NID2: variants seen among roughly 807,000 people sequenced by gnomAD.
NID2 encodes nidogen-2.
Under a neutral mutation model 145.4 loss-of-function variants are expected in NID2, and 83 were observed. The observed-to-expected ratio is 0.57, with a 90% CI of 0.48 to 0.69. NID2 has a LOEUF of 0.69. Among genes scored for constraint, NID2 ranks in the 30% least tolerant of loss-of-function variants. The pLI is 0.00. For synonymous variants in NID2, 739 were observed against 701.3 expected, an observed-to-expected ratio of 1.05 and a Z score of -0.85; for missense variants, 1,807 against 1,765.7, an observed-to-expected ratio of 1.02 and a Z score of -0.42.
At chr14:52,035,354 T>G (rs373682012) in intron 9 of NID2, among the ~76,000 whole-genome samples, 36 of 152,348 alleles carry the variant, frequency 2.4e-4, no homozygotes, top group African/African-American at 8.2e-4. Flanking sequence ...AATGTCATGG[T>G]TAGAATGATT....
chr14:52,066,727 C>G (rs1380252219), intron 2 of NID2, among the ~76,000 whole-genome samples: 1 of 152,214 alleles, frequency 6.6e-6, no homozygotes, highest in African/African-American at 2.4e-5. Flanking sequence ...AGTGAAGAAG[C>G]ATTTCCGTAA....
intron 21 of NID2, 62 bp from the exon 22 acceptor site, chr14:52,005,558 A>G (rs973330059): frequency 1.0e-5 from 16 of 1,561,262 alleles, no homozygotes; most frequent in Non-Finnish European, 1.3e-5. Context: ...CCAAGTTGCA[A>G]CAGCAAGTCT....
At position 52,027,318 on chromosome 14, in the gene NID2, C is replaced by T; in HGVS notation, c.2557G>A (p.Glu853Lys). The T allele has an allele frequency of 6.3e-7, 1 of 1,584,968 alleles. No individual in the cohort carries two copies. Among genetic ancestry groups the T allele is most frequent in the Non-Finnish European group, 8.6e-7 (1 of 1,167,154 alleles). Residue 853 changes from glutamate (E) to lysine (K), a missense_variant, in exon 12 of 22, where the codon GAG (glutamate) becomes AAG (lysine). Physicochemically the swap from Glu to Lys is moderately conservative, Grantham distance 56 (BLOSUM62 1). Transcript: ENST00000216286. ...GGAGCACAGGTATGACTGCCATCCT[C>T]ACAGGGGTTGGCAGGTGGGGTGATC... ...ILITPPANPC[E>K]DGSHTCAPAG...
At chr14:52,039,279 G>C (rs1485949541) in intron 8 of NID2, among the ~76,000 whole-genome samples, 1 of 152,156 alleles carries the variant, frequency 6.6e-6, no homozygotes, top group Non-Finnish European at 1.5e-5. Flanking sequence ...CCTCACAACA[G>C]CCTGGTGAGG....
rs1890729266 is a variant in NID2 at position 52,005,418 on chromosome 14, T to TGC, written c.*66_*67dup. On this transcript the variant is annotated 3_prime_UTR_variant, in exon 22 of 22. Coordinates refer to ENST00000216286, the MANE Select transcript of NID2 (RefSeq NM_007361.4). ...ATTCCTTTTTTACTTTCTTTGCCTT[T>TGC]GCAGTCACTGTTCTTTAGGGTCCAG... 3 of 1,436,616 alleles carry TGC rather than the reference T, an allele frequency of 2.1e-6. No individual in the cohort carries two copies. The highest frequency in any genetic ancestry group is 2.8e-6 in the Non-Finnish European group (3 of 1,073,794). The allele number at this position is 1,436,616 out of a possible 1,614,324, so 89.0% of individuals were successfully genotyped here. A position where few individuals can be genotyped will look rare whatever the true frequency, so the allele number is the denominator to read the frequency against.
intron 9 of NID2, among the ~76,000 whole-genome samples, chr14:52,034,144 G>GA (rs1181525387): frequency 6.6e-6 from 1 of 152,174 alleles, no homozygotes; most frequent in Non-Finnish European, 1.5e-5. Context: ...GGGTGGGAGG[G>GA]AAAATCATAA....
chr14:52,055,030 C>T (rs892428784), intron 3 of NID2, among the ~76,000 whole-genome samples: 2 of 152,184 alleles, frequency 1.3e-5, no homozygotes, highest in Admixed American at 1.3e-4. Flanking sequence ...AAAACTCTAC[C>T]AAATACTGAC....
intron 10 of NID2, among the ~76,000 whole-genome samples, 198 bp downstream of exon 10, chr14:52,029,349 C>A (rs1891714045): frequency 6.6e-6 from 1 of 152,218 alleles, no homozygotes; most frequent in Non-Finnish European, 1.5e-5. Context: ...AAAATCCACT[C>A]CACTCCAAAC....
intron 16 of NID2, among the ~76,000 whole-genome samples, chr14:52,013,360 T>C (rs998120734): frequency 6.6e-6 from 1 of 152,200 alleles, no homozygotes; most frequent in Non-Finnish European, 1.5e-5. Context: ...TACAAAACAA[T>C]GTGAGAGTTT....
intron 20 of NID2, chr14:52,006,164 A>G (rs1194717451): frequency 1.2e-5 from 5 of 406,180 alleles, no homozygotes; most frequent in Non-Finnish European, 2.3e-5. Flanking sequence ...CCCTCAGACA[A>G]TATGTCCACA....
intron 5 of NID2, among the ~76,000 whole-genome samples, chr14:52,045,764 C>A (rs1468842422): frequency 6.6e-6 from 1 of 152,178 alleles, no homozygotes; most frequent in African/African-American, 2.4e-5. Context: ...GACTCACACA[C>A]TCACCAGTGT....
At chr14:52,007,496 C>T (rs535648419) in intron 19 of NID2, 27 of 319,994 alleles carry the variant, frequency 8.4e-5, no homozygotes, top group African/African-American at 5.6e-4. Context: ...ACCCTCTCCC[C>T]GCATAAGAAT....
chr14:52,006,738 G>GTGAT (rs1159198352), intron 19 of NID2, 78 bp from the exon 20 acceptor site: 1 of 1,454,644 alleles, frequency 6.9e-7, no homozygotes, highest in Admixed American at 1.8e-5. Flanking sequence ...TAGTGACACA[G>GTGAT]TGATAGAATG....
At position 52,068,003 on chromosome 14, in the gene NID2, G is replaced by T. The variant is rs1266660755; in HGVS notation, c.389C>A (p.Pro130His). Residue 130 changes from proline (P) to histidine (H), a missense_variant, in exon 2 of 22, where the codon CCC (proline) becomes CAC (histidine). Pro to His is a moderately conservative substitution (Grantham distance 77). Transcript: ENST00000216286. Reference sequence around the variant, plus strand: ...GCGGGCGGCCAGGCCCAGCACTGCGGGGGAGGTGTCCTCTCGGTACAGGAC... The same window carrying T: ...GCGGGCGGCCAGGCCCAGCACTGCGTGGGAGGTGTCCTCTCGGTACAGGAC... The part of the protein sequence containing the change: ...GRVLYREDTS[P>H]AVLGLAARYV... 1.4e-5 allele frequency: 23 copies of T among 1,612,566 alleles called. No individual in the cohort carries two copies. The highest frequency in any genetic ancestry group is 1.8e-5 in the Non-Finnish European group (21 of 1,179,064).
Position 52,038,805 on chromosome 14 carries a change from A to G in NID2, c.2199T>C (p.Tyr733=). The change falls in exon 9 of 22, where the codon TAT becomes TAC. Residue 733 remains tyrosine (Y), a synonymous_variant. Coordinates refer to ENST00000216286, the MANE Select transcript of NID2 (RefSeq NM_007361.4). ...ATCTAAGCACTCTTTCTTCGTCATT[A>G]TACAAGGCAAAGACCCGGTCCACGT... is the stretch of plus-strand genomic sequence containing the variant. ...QLNVDRVFAL[Y]NDEERVLRFA... is the part of the protein sequence containing the mutation. 2 of 1,613,092 alleles carry G rather than the reference A, an allele frequency of 1.2e-6. No individual in the cohort carries two copies. Among genetic ancestry groups the G allele is most frequent in the Non-Finnish European group, 1.7e-6 (2 of 1,179,662 alleles).
At chr14:52,066,243 T>C (rs891915843) in intron 2 of NID2, among the ~76,000 whole-genome samples, 6 of 150,650 alleles carry the variant, frequency 4.0e-5, no homozygotes, top group African/African-American at 7.4e-5. Context: ...TTATGCAACA[T>C]AGAGAGTAAC....
intron 3 of NID2, 68 bp downstream of exon 3, chr14:52,060,056 T>A: frequency 8.8e-7 from 1 of 1,131,066 alleles, no homozygotes; most frequent in East Asian, 2.4e-5. Context: ...TATGGTCACT[T>A]GTGTTCAGGT....
chr14:52,038,781 T>G lies in NID2; in HGVS notation c.2223A>C (p.Arg741Ser), dbSNP rs1426932210. ...ALYNDEERVLRFAVTNQIGPV... is the reference protein window; with the variant it reads ...ALYNDEERVLSFAVTNQIGPV... ...GGCCAATTTGATTGGTCACAGCAAA[T>G]CTAAGCACTCTTTCTTCGTCATTAT... Residue 741 changes from arginine to serine, a missense_variant, in exon 9 of 22, where the codon AGA becomes AGC. Coordinates refer to ENST00000216286, the MANE Select transcript of NID2 (RefSeq NM_007361.4). 22 of 1,605,702 alleles carry G rather than the reference T, an allele frequency of 1.4e-5. No homozygotes were observed. Among genetic ancestry groups the G allele is most frequent in the Non-Finnish European group, 1.9e-5 (22 of 1,176,350 alleles).
Position 52,007,943 on chromosome 14 carries a change from A to T in NID2, c.3747T>A (p.Asn1249Lys). Residue 1249 changes from asparagine to lysine, a missense_variant, in exon 19 of 22, where the codon AAT becomes AAA. By Grantham distance (94) the Asn-to-Lys change is moderately conservative. Transcript: ENST00000216286. ...IRGNLYWTDW[N>K]REAPKIETSS... is the part of the protein sequence containing the mutation. The stretch of plus-strand genomic sequence containing the variant: ...ACGTTTCAATTTTAGGAGCTTCTCT[A>T]TTCCAGTCTGTCCAGTACAAGTTGC... 6.2e-7 allele frequency: 1 copy of T among 1,613,302 alleles called. No individual in the cohort carries two copies. Among genetic ancestry groups the T allele is most frequent in the Non-Finnish European group, 8.5e-7 (1 of 1,179,758 alleles).
Sources: allele counts gnomAD v4.1 joint callset (sites outside exome capture counted in the v4.1 genomes callset), GRCh38; gene constraint gnomAD v4.1.1; transcripts MANE v1.5; gene names NCBI Gene and HGNC (gene_info 2026-07-23, HGNC 2026-07-21).